LRP1B: variants seen among roughly 807,000 people sequenced by gnomAD.
The protein encoded by LRP1B is low-density lipoprotein receptor-related protein 1B.
LRP1B carries 217 observed loss-of-function variants against 556.6 expected under a neutral mutation model. That is an observed-to-expected ratio of 0.39 (90% CI 0.35 to 0.44). The LOEUF is 0.44. Among genes scored for constraint, LRP1B ranks in the 20% least tolerant of loss-of-function variants. The pLI is 1.00. For missense variants in LRP1B, 5,053 were observed against 5,620.8 expected (o/e 0.90, Z 3.23); for synonymous variants, 2,047 against 1,865.8 (o/e 1.10, Z -2.50).
chr2:140,325,332 T>C (rs910716803), intron 80 of LRP1B, among the ~76,000 whole-genome samples: 2 of 152,016 alleles, frequency 1.3e-5, no homozygotes, highest in Non-Finnish European at 2.9e-5. Context: ...CATCACTGTT[T>C]ATGTGAATAA....
At chr2:142,034,416 T>C (rs1224626281) in intron 1 of LRP1B, among the ~76,000 whole-genome samples, 1 of 151,766 alleles carries the variant, frequency 6.6e-6, no homozygotes, top group East Asian at 1.9e-4. Flanking sequence ...TGTGGGAACA[T>C]ACATGTGTTT....
At chr2:142,066,507 T>C (rs1705115476) in intron 1 of LRP1B, among the ~76,000 whole-genome samples, 1 of 151,472 alleles carries the variant, frequency 6.6e-6, no homozygotes, top group Non-Finnish European at 1.5e-5. Context: ...TCAAATAACA[T>C]GTTCTTAATT....
chr2:142,054,951 C>A (rs78370963), intron 1 of LRP1B, among the ~76,000 whole-genome samples: 3 of 152,034 alleles, frequency 2.0e-5, no homozygotes, highest in Non-Finnish European at 4.4e-5. Flanking sequence ...GTGAATTTTA[C>A]AAGTAACTCA....
At chr2:141,042,712 C>T (rs556040101) in intron 11 of LRP1B, among the ~76,000 whole-genome samples, 3 of 152,054 alleles carry the variant, frequency 2.0e-5, no homozygotes, top group South Asian at 2.1e-4. Context: ...ATGAACATAA[C>T]GTGAGCAATC....
At chr2:140,248,489 C>T (rs764118956) in intron 86 of LRP1B, among the ~76,000 whole-genome samples, 1 of 151,526 alleles carries the variant, frequency 6.6e-6, no homozygotes, top group African/African-American at 2.4e-5. Flanking sequence ...AAAGCTAACA[C>T]ATTATATAAT....
chr2:141,306,224 T>A (rs908548440), intron 3 of LRP1B, among the ~76,000 whole-genome samples: 20 of 152,126 alleles, frequency 1.3e-4, no homozygotes, highest in Admixed American at 5.2e-4. Context: ...AAATTGGTAC[T>A]CATTCTTCTT....
At chr2:141,253,585 C>T (rs1573715800) in intron 4 of LRP1B, among the ~76,000 whole-genome samples, 1 of 152,178 alleles carries the variant, frequency 6.6e-6, no homozygotes, top group East Asian at 1.9e-4. Flanking sequence ...AGTCAATGAA[C>T]TATCAGGATC....
At chr2:141,117,235 C>G (rs1323833142) in intron 7 of LRP1B, among the ~76,000 whole-genome samples, 5 of 42,348 alleles carry the variant, frequency 1.2e-4, no homozygotes, top group Non-Finnish European at 2.7e-4. Context: ...TTGGCTACTT[C>G]ATTTTTTTTT....
intron 66 of LRP1B, among the ~76,000 whole-genome samples, chr2:140,411,449 C>G (rs1323465039): frequency 1.3e-5 from 2 of 151,944 alleles, no homozygotes; most frequent in Admixed American, 6.6e-5. Context: ...GTTACATAAA[C>G]TATATTCAAA....
At chr2:141,127,679 A>G (rs1296871130) in intron 7 of LRP1B, among the ~76,000 whole-genome samples, 1 of 152,108 alleles carries the variant, frequency 6.6e-6, no homozygotes, top group African/African-American at 2.4e-5. Context: ...ATGTCCAATC[A>G]TTTGGTTACT....
intron 2 of LRP1B, among the ~76,000 whole-genome samples, chr2:141,735,441 A>G (rs1693427862): frequency 6.7e-6 from 1 of 149,652 alleles, no homozygotes. Context: ...CACATTTTCC[A>G]ATAGAAGATG....
intron 18 of LRP1B, among the ~76,000 whole-genome samples, chr2:140,970,866 T>A (rs769990015): frequency 6.6e-6 from 1 of 151,170 alleles, no homozygotes; most frequent in South Asian, 2.1e-4. Flanking sequence ...TCACCCTCCC[T>A]AGTAGCGGGG....
intron 1 of LRP1B, among the ~76,000 whole-genome samples, chr2:141,932,387 C>T (rs1024220951): frequency 5.9e-5 from 9 of 152,096 alleles, no homozygotes; most frequent in Non-Finnish European, 1.2e-4. Context: ...ATAATACAAC[C>T]GAAGAATATA....
chr2:141,962,932 G>C (rs1478315403), intron 1 of LRP1B, among the ~76,000 whole-genome samples: 2 of 151,692 alleles, frequency 1.3e-5, no homozygotes, highest in African/African-American at 4.8e-5. Context: ...TTCAGGACCT[G>C]GAATAGCATC....
At chr2:141,381,118 A>G (rs769558424) in intron 3 of LRP1B, among the ~76,000 whole-genome samples, 1 of 152,148 alleles carries the variant, frequency 6.6e-6, no homozygotes, top group Non-Finnish European at 1.5e-5. Flanking sequence ...GATTTGTCCT[A>G]TAGATAACAA....
intron 5 of LRP1B, among the ~76,000 whole-genome samples, chr2:141,244,617 A>G (rs1159040367): frequency 1.3e-5 from 2 of 152,154 alleles, no homozygotes; most frequent in African/African-American, 4.8e-5. Context: ...AAAATTTTAA[A>G]CCTGATTGCA....
intron 1 of LRP1B, among the ~76,000 whole-genome samples, chr2:142,111,872 A>T (rs1444335274): frequency 6.6e-6 from 1 of 152,130 alleles, no homozygotes; most frequent in Non-Finnish European, 1.5e-5. Flanking sequence ...ACTTCAAAAG[A>T]ATAATGTATA....
At chr2:140,329,949 C>T (rs1283161225) in intron 79 of LRP1B, among the ~76,000 whole-genome samples, 1 of 151,790 alleles carries the variant, frequency 6.6e-6, no homozygotes, top group Non-Finnish European at 1.5e-5. Context: ...CCTATAATCC[C>T]AGAAGTTTGA....
intron 3 of LRP1B, among the ~76,000 whole-genome samples, chr2:141,371,343 G>T (rs536807852): frequency 7.3e-4 from 111 of 152,206 alleles, no homozygotes; most frequent in African/African-American, 2.1e-3. Context: ...GATTAGGGTT[G>T]TTTGGCTATT....
Sources: gnomAD v4.1 joint callset for allele counts (sites outside exome capture counted in the v4.1 genomes callset) on GRCh38, gnomAD v4.1.1 for gene constraint, MANE v1.5 for transcripts, NCBI Gene and HGNC (gene_info 2026-07-23, HGNC 2026-07-21) for gene names.